PDE9A: variants seen among roughly 807,000 people sequenced by gnomAD.
The protein encoded by PDE9A is phosphodiesterase 9A.
PDE9A carries 60 observed loss-of-function variants against 87.4 expected under a neutral mutation model. The observed-to-expected ratio is 0.69, with a 90% CI of 0.56 to 0.85. PDE9A has a LOEUF of 0.85. Ranked by LOEUF, PDE9A falls within the 40% of genes least tolerant of loss-of-function variation. The pLI is 0.00. For synonymous variants in PDE9A, 272 were observed against 279.4 expected (o/e 0.97, Z 0.27); for missense variants, 665 against 779.0 (o/e 0.85, Z 1.74).
chr21:42,739,028 T>C lies in PDE9A; in HGVS notation c.569-4748T>C, dbSNP rs1296737363. 1.3e-5 allele frequency among the ~76,000 whole-genome samples: 2 copies of C among 152,168 alleles called. No individual in the cohort carries two copies. Among genetic ancestry groups the C allele is most frequent in the Admixed American group, 6.5e-5 (1 of 15,274 alleles). ...AAGAGGACAGCCCGGGGTTTCCAGA[T>C]AATACTAGCCCCACACACAGGCATG... is the stretch of plus-strand genomic sequence containing the variant. On this transcript the variant is annotated intron_variant, in intron 7 of 19. Coordinates refer to ENST00000291539, the MANE Select transcript of PDE9A (RefSeq NM_002606.3). This position sits in a 1 kb window ranked among gnomAD's most constrained non-coding sequence, Gnocchi z 4.1.
At chr21:42,680,642 C>A (rs2059119978) in intron 1 of PDE9A, among the ~76,000 whole-genome samples, 1 of 152,230 alleles carries the variant, frequency 6.6e-6, no homozygotes, top group South Asian at 2.1e-4. Flanking sequence ...TGAGCTGAGC[C>A]AGGAATCCAG....
intron 1 of PDE9A, among the ~76,000 whole-genome samples, chr21:42,665,567 T>G (rs1318082367): frequency 6.6e-6 from 1 of 152,116 alleles, no homozygotes; most frequent in East Asian, 1.9e-4. Context: ...GCTCCAGCCT[T>G]GGTGGCCACC....
At chr21:42,766,417 G>A (rs758883021) in intron 15 of PDE9A, among the ~76,000 whole-genome samples, 7 of 152,126 alleles carry the variant, frequency 4.6e-5, no homozygotes, top group Non-Finnish European at 8.8e-5. Context: ...AGCATCAGGT[G>A]CACCCCTGGC....
At chr21:42,686,365 C>A in intron 2 of PDE9A, 103 bp downstream of exon 2, 1 of 887,124 alleles carries the variant, frequency 1.1e-6, no homozygotes, top group Non-Finnish European at 1.9e-6. Flanking sequence ...GCCCGAGGCA[C>A]CGGCCTTCTA....
intron 1 of PDE9A, among the ~76,000 whole-genome samples, chr21:42,674,886 C>T (rs932142344): frequency 6.6e-5 from 10 of 152,224 alleles, no homozygotes; most frequent in African/African-American, 1.7e-4. Context: ...GCAGCATGCT[C>T]GTAGGCTGGT....
intron 4 of PDE9A, among the ~76,000 whole-genome samples, chr21:42,699,572 A>G (rs1251153699): frequency 4.0e-5 from 6 of 148,674 alleles, no homozygotes; most frequent in Non-Finnish European, 7.4e-5. Flanking sequence ...TTTTTTAAAA[A>G]AAAACGGAGT....
chr21:42,701,340 T>C (rs2048365584), intron 4 of PDE9A, among the ~76,000 whole-genome samples: 1 of 152,186 alleles, frequency 6.6e-6, no homozygotes, highest in Admixed American at 6.5e-5. Flanking sequence ...AGATTTCCTG[T>C]GATTCTATAG....
At position 42,695,681 on chromosome 21, in the gene PDE9A, A is replaced by C. The variant is rs2060106786; in HGVS notation, c.219-3287A>C. 6.6e-6 allele frequency among the ~76,000 whole-genome samples: 1 copy of C among 152,218 alleles called. No homozygotes were observed. Among genetic ancestry groups the C allele is most frequent in the African/African-American group, 2.4e-5 (1 of 41,454 alleles). On this transcript the variant is annotated intron_variant, in intron 3 of 19. Transcript: ENST00000291539. The surrounding 1 kb of genome is among the most constrained non-coding windows in gnomAD (Gnocchi z 4.3). ...TGGCTCCAGGCCTCCTCCTCCTCCT[A>C]TTAAATGTGTTTTAAAAGAGGTCTT...
Position 42,770,614 on chromosome 21 carries a change from G to T in PDE9A, c.1591-89G>T, listed in dbSNP as rs548192526. 13 of 978,194 alleles carry T rather than the reference G, an allele frequency of 1.3e-5. 1 individual carries two copies. The South Asian group carries it at 1.8e-4, about 13-fold the overall frequency. 60.6% of individuals were successfully genotyped at this position (978,194 alleles called of 1,614,324 possible). On this transcript the variant is annotated intron_variant, in intron 17 of 19. Coordinates refer to ENST00000291539, the MANE Select transcript of PDE9A (RefSeq NM_002606.3). ...AGCTGGGACTGGCCCAGAGGTTTCCGCACGGAGCACCTGACACCTGTTTTT... is the reference window on the plus strand; with the variant it reads ...AGCTGGGACTGGCCCAGAGGTTTCCTCACGGAGCACCTGACACCTGTTTTT...
At chr21:42,751,739 A>G (rs376501564) in intron 9 of PDE9A, among the ~76,000 whole-genome samples, 1 of 121,576 alleles carries the variant, frequency 8.2e-6, no homozygotes, top group Non-Finnish European at 1.7e-5. Flanking sequence ...ATCCCGGCCC[A>G]CCTGCTTTTT....
chr21:42,668,775 A>G (rs949629346), intron 1 of PDE9A, among the ~76,000 whole-genome samples: 4 of 152,146 alleles, frequency 2.6e-5, no homozygotes, highest in African/African-American at 9.7e-5. Context: ...TCCCACCGTC[A>G]GGCCAGGCAG....
At chr21:42,726,624 A>ATATATATATATATTTTTTTTTTTT in intron 4 of PDE9A, among the ~76,000 whole-genome samples, 10 of 19,776 alleles carry the variant, frequency 5.1e-4, no homozygotes, top group African/African-American at 1.0e-3. Flanking sequence ...ATATATATAT[A>ATATATATATATATTTTTTTTTTTT]TTTTTTTTTT....
chr21:42,661,065 T>C (rs1429453790), intron 1 of PDE9A, among the ~76,000 whole-genome samples: 2 of 150,820 alleles, frequency 1.3e-5, no homozygotes, highest in Non-Finnish European at 2.9e-5. Flanking sequence ...GGAGTCTCGC[T>C]CTGTCGCCCA....
intron 1 of PDE9A, among the ~76,000 whole-genome samples, chr21:42,677,565 T>A (rs974494223): frequency 2.0e-5 from 3 of 152,098 alleles, no homozygotes; most frequent in African/African-American, 7.2e-5. Context: ...ACATCAACAC[T>A]GTTCTTTTGT....
At chr21:42,752,872 C>T (rs1226150671) in intron 9 of PDE9A, among the ~76,000 whole-genome samples, 1 of 152,262 alleles carries the variant, frequency 6.6e-6, no homozygotes, top group Non-Finnish European at 1.5e-5. Flanking sequence ...CCGGCCCCAT[C>T]AGCAGGCCTG....
chr21:42,741,355 A>G (rs2053233860), intron 7 of PDE9A: 1 of 152,236 alleles, frequency 6.6e-6, no homozygotes, highest in African/African-American at 2.4e-5. Context: ...TGAGGGGCCC[A>G]TGATGCTGGA....
chr21:42,716,209 T>C (rs2049906198), intron 4 of PDE9A, among the ~76,000 whole-genome samples: 1 of 151,858 alleles, frequency 6.6e-6, no homozygotes, highest in Admixed American at 6.6e-5. Flanking sequence ...GCACAAGTTT[T>C]TGTGTGCACA....
At chr21:42,768,105 T>A in intron 15 of PDE9A, 83 bp from the exon 16 acceptor site, 1 of 844,068 alleles carries the variant, frequency 1.2e-6, no homozygotes, top group Non-Finnish European at 2.1e-6. Context: ...TTCCTGCCTG[T>A]AATGGCAAGT....
At chr21:42,668,898 A>AACCCCCC (rs2058203632) in intron 1 of PDE9A, among the ~76,000 whole-genome samples, 1 of 104,786 alleles carries the variant, frequency 9.5e-6, no homozygotes, top group African/African-American at 4.6e-5. Context: ...TGCTCCCTCC[A>AACCCCCC]CCCCCCGCCA....
Sources: allele counts gnomAD v4.1 joint callset (sites outside exome capture counted in the v4.1 genomes callset), GRCh38; gene constraint gnomAD v4.1.1; non-coding constraint Gnocchi (gnomAD v3.1); transcripts MANE v1.5; gene names NCBI Gene and HGNC (gene_info 2026-07-23, HGNC 2026-07-21).